The following F8 variants were observed in gnomAD, a reference collection of about 807,000 sequenced individuals.
F8 encodes antihemophilic factor.
Under a neutral mutation model 140.6 loss-of-function variants are expected in F8, and 12 were observed. That is an observed-to-expected ratio of 0.09 (90% CI 0.05 to 0.14). F8 has a LOEUF of 0.14. Among genes scored for constraint, F8 ranks in the 10% least tolerant of loss-of-function variants. The pLI is 1.00. For missense variants in F8, 1,354 were observed against 1,720.7 expected, an observed-to-expected ratio of 0.79 and a Z score of 3.77; for synonymous variants, 585 against 614.6, an observed-to-expected ratio of 0.95 and a Z score of 0.71.
intron 1 of F8, among the ~76,000 whole-genome samples, chrX:155,014,204 T>C (rs1436631509): frequency 8.9e-6 from 1 of 112,212 alleles, no homozygotes; most frequent in African/African-American, 3.2e-5. Flanking sequence ...TTTGAATAGA[T>C]GCAGAAAAAG....
intron 13 of F8, among the ~76,000 whole-genome samples, chrX:154,946,959 C>A (rs1557280336): frequency 1.3e-4 from 14 of 111,594 alleles, no homozygotes. Context: ...GGCACGGTGG[C>A]TCACGCCTGT....
chrX:154,911,093 C>T (rs2073064676), intron 14 of F8, among the ~76,000 whole-genome samples: 1 of 109,206 alleles, frequency 9.2e-6, no homozygotes, highest in African/African-American at 3.4e-5. Context: ...CCACATCCCC[C>T]TCTCCGAGAT....
Position 154,875,621 on chromosome X carries a change from T to A in F8, c.6430-12394A>T, listed in dbSNP as rs888636963. Among the ~76,000 whole-genome samples the A allele has an allele frequency of 3.6e-5, 4 of 111,526 alleles. No individual in the cohort carries two copies. The Admixed American group carries it at 3.8e-4, about 11-fold the overall frequency. Reference sequence around the variant, plus strand: ...AAATTTTAATAAGACCCTTAGCTGTTTCATAAGCAGTAAAGTTTGAAAACA... The same window carrying A: ...AAATTTTAATAAGACCCTTAGCTGTATCATAAGCAGTAAAGTTTGAAAACA... On this transcript the variant is annotated intron_variant, in intron 22 of 25. Coordinates refer to ENST00000360256, the MANE Select transcript of F8 (RefSeq NM_000132.4).
intron 1 of F8, among the ~76,000 whole-genome samples, chrX:155,013,038 C>T (rs781975584): frequency 6.0e-5 from 6 of 100,780 alleles, no homozygotes; most frequent in East Asian, 3.2e-4. Flanking sequence ...CCCAGCTACT[C>T]GGGAGGCTGA....
At chrX:155,006,352 G>A (rs1280774237) in intron 1 of F8, among the ~76,000 whole-genome samples, 58 of 63,368 alleles carry the variant, frequency 9.2e-4, no homozygotes, top group Non-Finnish European at 1.4e-3. Flanking sequence ...CAGAACCAGA[G>A]GAACGCTGTG....
chrX:154,871,977 G>A (rs2072777112), intron 22 of F8, among the ~76,000 whole-genome samples: 1 of 112,340 alleles, frequency 8.9e-6, no homozygotes, highest in South Asian at 3.7e-4. Flanking sequence ...TTAAAGAAAT[G>A]CAAATCAAAA....
At position 154,966,434 on chromosome X, in the gene F8, G is replaced by A. The variant is rs145623784; in HGVS notation, c.1263C>T (p.Pro421=). ...DWDYAPLVLA[P]DDRSYKSQYL... ...AGTCAAAAAGTGCTTACCTGTCATCGGGGGCGAGGACTAAGGGAGCATAGT... is the reference window on the plus strand; with the variant it reads ...AGTCAAAAAGTGCTTACCTGTCATCAGGGGCGAGGACTAAGGGAGCATAGT... Residue 421 remains proline (P), a synonymous_variant, in exon 8 of 26, where the codon CCC becomes CCT. Transcript: ENST00000360256. The A allele has an allele frequency of 1.3e-4, 158 of 1,209,047 alleles. No individual in the cohort carries two copies. Among genetic ancestry groups the A allele is most frequent in the South Asian group, 1.6e-4 (9 of 56,725 alleles).
intron 3 of F8, among the ~76,000 whole-genome samples, chrX:154,994,460 TA>T (rs1389843450): frequency 8.9e-6 from 1 of 112,445 alleles, no homozygotes; most frequent in African/African-American, 3.2e-5. Context: ...GAATCCAACC[TA>T]AGACTGCAGA....
intron 6 of F8, among the ~76,000 whole-genome samples, chrX:154,973,814 C>T (rs1213311474): frequency 1.8e-5 from 2 of 111,034 alleles, no homozygotes; most frequent in Non-Finnish European, 3.8e-5. Flanking sequence ...GTTTTTGTTT[C>T]GAGACAGTGT....
At position 154,984,811 on chromosome X, in the gene F8, G is replaced by C; in HGVS notation, c.671-8C>G. ...CTGAGTGCCAACTTTTCCCTGATGAGAGAGAAGGCAAAGATAGAGTCAGCT... is the reference window on the plus strand; with the variant it reads ...CTGAGTGCCAACTTTTCCCTGATGACAGAGAAGGCAAAGATAGAGTCAGCT... On this transcript the variant is annotated splice_polypyrimidine_tract_variant and splice_region_variant and intron_variant, in intron 5 of 25. Coordinates refer to ENST00000360256, the MANE Select transcript of F8 (RefSeq NM_000132.4). 2.6e-6 allele frequency: 3 copies of C among 1,160,306 alleles called. No individual in the cohort carries two copies. Among genetic ancestry groups the C allele is most frequent in the Non-Finnish European group, 3.5e-6 (3 of 848,842 alleles).
At chrX:155,017,727 G>A (rs1557287140) in intron 1 of F8, among the ~76,000 whole-genome samples, 1 of 111,317 alleles carries the variant, frequency 9.0e-6, no homozygotes. Context: ...TGAGGATGGG[G>A]CCTAGGAATG....
At chrX:154,850,441 CTTTTTTTTTTTCT>C (rs2072606953) in intron 25 of F8, among the ~76,000 whole-genome samples, 2 of 99,980 alleles carry the variant, frequency 2.0e-5, no homozygotes, top group African/African-American at 7.1e-5. Flanking sequence ...AGGCTTGGTT[CTTTTTTTTTTTCT>C]TTTCCTTTTC....
At chrX:154,988,608 T>C (rs2073571664) in intron 4 of F8, among the ~76,000 whole-genome samples, 1 of 112,239 alleles carries the variant, frequency 8.9e-6, no homozygotes, top group African/African-American at 3.2e-5. Flanking sequence ...AAAGGATGTG[T>C]TCACTATTCT....
intron 22 of F8, among the ~76,000 whole-genome samples, chrX:154,894,683 C>T (rs782032304): frequency 9.0e-6 from 1 of 110,751 alleles, no homozygotes; most frequent in African/African-American, 3.3e-5. Flanking sequence ...CACACCAGTG[C>T]ACTCCAGCCT....
rs782521566 is a variant in F8, at chrX:154,929,747, T to C, written c.4043A>G (p.Lys1348Arg). 1.7e-6 allele frequency: 2 copies of C among 1,211,301 alleles called. No individual in the cohort carries two copies. The highest frequency in any genetic ancestry group is 1.8e-5 in the South Asian group (1 of 56,712). The change falls in exon 14 of 26, where the codon AAA becomes AGA. Residue 1348 changes from lysine (K) to arginine (R), a missense_variant. Physicochemically the swap from Lys to Arg is conservative, Grantham distance 26 (BLOSUM62 2). Around this residue, in one of 4 missense-constraint regions of F8, gnomAD observed 658 missense variants for 666.5 expected, o/e 0.99. Transcript: ENST00000360256. ...RLPLEETELE[K>R]RIIVDDTSTQ... ...TGAGGTGTCATCCACAATTATCCTT[T>C]TTTCAAGTTCTGTTTCTTCTAGTGG...
chrX:154,976,530 C>T (rs1031151891), intron 6 of F8, among the ~76,000 whole-genome samples: 2 of 110,403 alleles, frequency 1.8e-5, no homozygotes, highest in Middle Eastern at 4.6e-3. Context: ...CCCACTAACT[C>T]GTCATCTAGC....
In F8 at chrX:154,931,484, C is replaced by T. The variant is rs782403051; in HGVS notation, c.2306G>A (p.Ser769Asn). 1 of 1,211,688 alleles carries T rather than the reference C, an allele frequency of 8.3e-7. No homozygotes were observed. Among genetic ancestry groups the T allele is most frequent in the Non-Finnish European group, 1.1e-6 (1 of 895,248 alleles). ...GGCATTAAATTGCTTTTGCCTAGTG[C>T]TAGGGTGTCTTGAATTCTGGGAGAA... ...RSFSQNSRHPSTRQKQFNATT... is the reference protein window; with the variant it reads ...RSFSQNSRHPNTRQKQFNATT... The change falls in exon 14 of 26, where the codon AGC (serine) becomes AAC (asparagine). Residue 769 changes from serine to asparagine, a missense_variant. Transcript: ENST00000360256.
At chrX:154,991,236 A>G (rs2073586305) in intron 4 of F8, among the ~76,000 whole-genome samples, 1 of 111,768 alleles carries the variant, frequency 8.9e-6, no homozygotes, top group African/African-American at 3.3e-5. Context: ...ATTTAGAGTT[A>G]CCTTTCTCAC....
At chrX:154,854,328 C>A (rs1251631897) in intron 25 of F8, among the ~76,000 whole-genome samples, 5 of 112,541 alleles carry the variant, frequency 4.4e-5, no homozygotes, top group Non-Finnish European at 9.4e-5. Flanking sequence ...CTTATCCAAT[C>A]AGTTGAAGGC....
Sources: allele counts gnomAD v4.1 joint callset (sites outside exome capture counted in the v4.1 genomes callset), GRCh38; gene constraint gnomAD v4.1.1; regional missense constraint gnomAD v4.1.1; transcripts MANE v1.5; gene names NCBI Gene and HGNC (gene_info 2026-07-23, HGNC 2026-07-21).